The following VWA3B variants were observed in gnomAD, a reference collection of about 807,000 sequenced individuals.
The protein encoded by VWA3B is von Willebrand factor A domain containing 3B.
A neutral mutation model predicts 158.3 loss-of-function variants in VWA3B; 138 were observed. The observed-to-expected ratio is 0.87, with a 90% confidence interval of 0.76 to 1.00. VWA3B has a LOEUF of 1.00. Among genes scored for constraint, VWA3B ranks in the 50% least tolerant of loss-of-function variants. The pLI is 0.00. For missense variants in VWA3B, 1,555 were observed against 1,565.1 expected (o/e 0.99, Z 0.11); for synonymous variants, 596 against 587.3 (o/e 1.01, Z -0.21).
chr2:98,274,601 G>A (rs965439946), intron 22 of VWA3B, among the ~76,000 whole-genome samples: 6 of 152,176 alleles, frequency 3.9e-5, no homozygotes, highest in African/African-American at 1.2e-4. Flanking sequence ...CAGGAGAGAC[G>A]TTGGGCATGG....
At chr2:98,236,008 ACAAT>A (rs1289767600) in intron 17 of VWA3B, among the ~76,000 whole-genome samples, 1 of 152,220 alleles carries the variant, frequency 6.6e-6, no homozygotes, top group African/African-American at 2.4e-5. Context: ...GAACCACTAA[ACAAT>A]CTATCAGAAA....
At chr2:98,240,356 A>G (rs1226018357) in intron 19 of VWA3B, among the ~76,000 whole-genome samples, 1 of 152,192 alleles carries the variant, frequency 6.6e-6, no homozygotes, top group Non-Finnish European at 1.5e-5. Flanking sequence ...TTATTAATGG[A>G]TATTTACATT....
At chr2:98,140,479 C>A (rs1262124317) in intron 7 of VWA3B, among the ~76,000 whole-genome samples, 1 of 152,200 alleles carries the variant, frequency 6.6e-6, no homozygotes, top group Non-Finnish European at 1.5e-5. Flanking sequence ...CCAGCATTGG[C>A]TGGATCCCTG....
At chr2:98,255,124 C>T (rs556828191) in intron 20 of VWA3B, among the ~76,000 whole-genome samples, 1 of 150,798 alleles carries the variant, frequency 6.6e-6, no homozygotes, top group Admixed American at 6.6e-5. Context: ...AGCTATTCTC[C>T]TGCCTCAGCC....
intron 26 of VWA3B, among the ~76,000 whole-genome samples, chr2:98,309,177 A>G (rs937369544): frequency 6.6e-6 from 1 of 151,844 alleles, no homozygotes; most frequent in African/African-American, 2.4e-5. Context: ...CAAAAAAAAA[A>G]AAAAGAAAAA....
chr2:98,308,677 G>A (rs1210452355), intron 26 of VWA3B, among the ~76,000 whole-genome samples: 1 of 152,222 alleles, frequency 6.6e-6, no homozygotes, highest in East Asian at 1.9e-4. Flanking sequence ...TGCTCCAGCT[G>A]CTGGTGTTCT....
At chr2:98,315,000 A>T (rs1221868466), downstream of VWA3B, among the ~76,000 whole-genome samples, 4 of 152,128 alleles carry the variant, frequency 2.6e-5, no homozygotes, top group African/African-American at 9.7e-5. Flanking sequence ...AAAAAAAGAA[A>T]AAAAAGAGAA....
intron 20 of VWA3B, among the ~76,000 whole-genome samples, chr2:98,253,614 C>A (rs1020494234): frequency 1.3e-5 from 2 of 152,100 alleles, no homozygotes; most frequent in Non-Finnish European, 2.9e-5. Context: ...GCTTGGGGAC[C>A]ATGCTTAGAA....
chr2:98,294,312 T>C (rs1225574680), intron 23 of VWA3B, among the ~76,000 whole-genome samples: 2 of 148,224 alleles, frequency 1.3e-5, no homozygotes, highest in Non-Finnish European at 3.0e-5. Flanking sequence ...CAAAACCTCC[T>C]AAACATTTTT....
At chr2:98,281,035 C>A (rs1688847955) in intron 22 of VWA3B, among the ~76,000 whole-genome samples, 2 of 152,202 alleles carry the variant, frequency 1.3e-5, no homozygotes, top group Admixed American at 6.5e-5. Context: ...ATTCGTTTGC[C>A]ATGGGCCACT....
At chr2:98,118,148 A>C (rs541071080) in intron 3 of VWA3B, among the ~76,000 whole-genome samples, 1 of 152,334 alleles carries the variant, frequency 6.6e-6, no homozygotes, top group African/African-American at 2.4e-5. Flanking sequence ...AAATCAATGC[A>C]AAACTTTTAA....
Position 98,119,521 on chromosome 2 carries a change from T to C in VWA3B, c.300T>C (p.Ala100=), listed in dbSNP as rs1192249837. Residue 100 remains alanine (A), a synonymous_variant, in exon 4 of 28, where the codon GCT becomes GCC. Coordinates refer to ENST00000477737, the MANE Select transcript of VWA3B (RefSeq NM_144992.5). ...AEDGRVYNLT[A]KSELIYQFVE... is the part of the protein sequence containing the mutation. ...CTTTTATTTTCATTAAGCTGACAGC[T>C]AAATCAGAACTGATTTATCAGTTTG... 1 of 1,613,666 alleles carries C rather than the reference T, an allele frequency of 6.2e-7. No homozygotes were observed. The highest frequency in any genetic ancestry group is 1.3e-5 in the African/African-American group (1 of 74,910).
At chr2:98,209,973 A>G (rs1683369865) in intron 12 of VWA3B, among the ~76,000 whole-genome samples, 1 of 152,008 alleles carries the variant, frequency 6.6e-6, no homozygotes, top group African/African-American at 2.4e-5. Context: ...GGGCCCCTCA[A>G]TTCCTGTTTG....
At chr2:98,192,623 A>G (rs1425073984) in intron 10 of VWA3B, among the ~76,000 whole-genome samples, 1 of 152,204 alleles carries the variant, frequency 6.6e-6, no homozygotes, top group Non-Finnish European at 1.5e-5. Context: ...GCTTGGGCCC[A>G]GAGGCCTGAC....
chr2:98,179,171 C>G, intron 8 of VWA3B: 1 of 469,788 alleles, frequency 2.1e-6, no homozygotes, highest in Non-Finnish European at 4.4e-6. Flanking sequence ...GCTCCAGACA[C>G]CAGTGCCTCC....
chr2:98,119,735 G>A lies in VWA3B; in HGVS notation c.514G>A (p.Ala172Thr), dbSNP rs867509353. ...AACAATGGTTCTCCAGGAGCAGGTG[G>A]CTCACATAACCGAGTTCAATATCAT... The part of the protein sequence containing the change: ...ALTMVLQEQV[A>T]HITEFNIIRV... The change falls in exon 4 of 28, where the codon GCT becomes ACT. Residue 172 changes from alanine to threonine, a missense_variant. Ala to Thr is a moderately conservative substitution (Grantham distance 58). Coordinates refer to ENST00000477737, the MANE Select transcript of VWA3B (RefSeq NM_144992.5). The A allele has an allele frequency of 6.2e-7, 1 of 1,614,134 alleles. No individual in the cohort carries two copies. Among genetic ancestry groups the A allele is most frequent in the East Asian group, 2.2e-5 (1 of 44,882 alleles).
At chr2:98,250,014 G>A (rs537162277) in intron 19 of VWA3B, among the ~76,000 whole-genome samples, 3 of 152,204 alleles carry the variant, frequency 2.0e-5, no homozygotes, top group South Asian at 2.1e-4. Flanking sequence ...AAGATAATTC[G>A]CAATTCTAAT....
chr2:98,217,938 G>A lies in VWA3B; in HGVS notation c.1929G>A (p.Arg643=), dbSNP rs1030445628. 2 of 1,613,378 alleles carry A rather than the reference G, an allele frequency of 1.2e-6. No homozygotes were observed. Among genetic ancestry groups the A allele is most frequent in the African/African-American group, 2.7e-5 (2 of 74,774 alleles). The change falls in exon 14 of 28, where the codon AGG becomes AGA. Residue 643 remains arginine (R), a synonymous_variant. Coordinates refer to ENST00000477737, the MANE Select transcript of VWA3B (RefSeq NM_144992.5). The part of the protein sequence containing the change: ...SFNYNDEIAN[R]FLKEVAALTG... ...ATTACAATGATGAGATTGCAAACAG[G>A]TTTTTGAAAGAGGTTGCTGCTTTGA... is the stretch of plus-strand genomic sequence containing the variant.
chr2:98,124,467 G>T, intron 5 of VWA3B, among the ~76,000 whole-genome samples: 1 of 152,148 alleles, frequency 6.6e-6, no homozygotes, highest in Non-Finnish European at 1.5e-5. Flanking sequence ...TCCTAGGAGG[G>T]ATCTGAGAGG....
Sources: allele counts gnomAD v4.1 joint callset (sites outside exome capture counted in the v4.1 genomes callset), GRCh38; gene constraint gnomAD v4.1.1; transcripts MANE v1.5; gene names NCBI Gene and HGNC (gene_info 2026-07-23, HGNC 2026-07-21).